The following KCND2 variants were observed in gnomAD, a reference collection of about 807,000 sequenced individuals.
KCND2 encodes potassium voltage-gated channel subfamily D member 2.
Under a neutral mutation model 54.4 loss-of-function variants are expected in KCND2, and 16 were observed. That is an observed-to-expected ratio of 0.29 (90% CI 0.20 to 0.45). The LOEUF is 0.45. Ranked by LOEUF, KCND2 falls within the 20% of genes least tolerant of loss-of-function variation. The pLI, the probability that KCND2 is intolerant of heterozygous loss-of-function variation, is 1.00. For missense variants in KCND2, 486 were observed against 824.2 expected (o/e 0.59, Z 5.02); for synonymous variants, 317 against 310.7 (o/e 1.02, Z -0.21).
At chr7:120,667,327 G>A (rs573867940) in intron 1 of KCND2, among the ~76,000 whole-genome samples, 2 of 152,146 alleles carry the variant, frequency 1.3e-5, no homozygotes, top group African/African-American at 4.8e-5. Context: ...GTAGATACAT[G>A]TACTTACAAA....
At chr7:120,712,830 T>G (rs1792557417) in intron 1 of KCND2, among the ~76,000 whole-genome samples, 1 of 152,190 alleles carries the variant, frequency 6.6e-6, no homozygotes, top group African/African-American at 2.4e-5. Flanking sequence ...GATTTCCTTC[T>G]TGAAAGACTT....
intron 2 of KCND2, among the ~76,000 whole-genome samples, chr7:120,738,523 C>CT (rs1792901623): frequency 6.6e-6 from 1 of 151,836 alleles, no homozygotes; most frequent in African/African-American, 2.4e-5. Flanking sequence ...AACTATGAAG[C>CT]TTTTTTTACA....
chr7:120,705,205 A>G (rs983891039), intron 1 of KCND2, among the ~76,000 whole-genome samples: 1 of 152,184 alleles, frequency 6.6e-6, no homozygotes, highest in Non-Finnish European at 1.5e-5. Flanking sequence ...TGTGACACTT[A>G]TTCTGAAATC....
At chr7:120,568,877 G>T (rs1020180219) in intron 1 of KCND2, among the ~76,000 whole-genome samples, 2 of 152,074 alleles carry the variant, frequency 1.3e-5, no homozygotes, top group Non-Finnish European at 1.5e-5. Context: ...TATTTCATAA[G>T]GGCAGGGGCA....
chr7:120,343,862 T>G (rs890348961), intron 1 of KCND2, among the ~76,000 whole-genome samples: 2 of 152,206 alleles, frequency 1.3e-5, no homozygotes, highest in African/African-American at 4.8e-5. Flanking sequence ...CATATGCATG[T>G]GCACTTGCAA....
Position 120,405,670 on chromosome 7 carries a change from C to T in KCND2, c.1115+129923C>T, listed in dbSNP as rs139932770. Reference sequence around the variant, plus strand: ...CTGCAAAATTTATAACTATAGATATCACATCAAAATCAAAATTAAGAGAAC... The same window carrying T: ...CTGCAAAATTTATAACTATAGATATTACATCAAAATCAAAATTAAGAGAAC... On this transcript the variant is annotated intron_variant, in intron 1 of 5. Transcript: ENST00000331113. 3.2e-4 allele frequency among the ~76,000 whole-genome samples: 48 copies of T among 152,122 alleles called. 1 individual carries two copies. The East Asian group carries it at 9.1e-3, about 29-fold the overall frequency.
chr7:120,693,198 G>C (rs551783481), intron 1 of KCND2, among the ~76,000 whole-genome samples: 28 of 152,194 alleles, frequency 1.8e-4, no homozygotes, highest in Non-Finnish European at 3.7e-4. Flanking sequence ...TTCATTTTCT[G>C]AGTTCTACTC....
chr7:120,343,494 A>T (rs1017367760), intron 1 of KCND2, among the ~76,000 whole-genome samples: 3 of 152,160 alleles, frequency 2.0e-5, no homozygotes, highest in African/African-American at 7.2e-5. Context: ...TTTATGGAGC[A>T]GGAATTAATC....
At chr7:120,635,195 A>G (rs1304119711) in intron 1 of KCND2, among the ~76,000 whole-genome samples, 2 of 152,186 alleles carry the variant, frequency 1.3e-5, no homozygotes, top group Non-Finnish European at 2.9e-5. Flanking sequence ...TCTGGTGCCC[A>G]TTGTGGTTCC....
chr7:120,289,762 C>T (rs1400636976), intron 1 of KCND2, among the ~76,000 whole-genome samples: 2 of 152,064 alleles, frequency 1.3e-5, no homozygotes, highest in Non-Finnish European at 2.9e-5. Context: ...TTGGAAGCAT[C>T]GACCTGCATT....
At chr7:120,675,120 T>C (rs1274533032) in intron 1 of KCND2, among the ~76,000 whole-genome samples, 2 of 152,186 alleles carry the variant, frequency 1.3e-5, no homozygotes, top group Non-Finnish European at 2.9e-5. Context: ...AACTTTCTTA[T>C]CTAGTAATTT....
chr7:120,526,869 A>G (rs1791783150), intron 1 of KCND2, among the ~76,000 whole-genome samples: 1 of 152,176 alleles, frequency 6.6e-6, no homozygotes, highest in African/African-American at 2.4e-5. Flanking sequence ...TCAGAAGGAA[A>G]ATAAGCTGAA....
chr7:120,682,730 C>A (rs1288673538), intron 1 of KCND2, among the ~76,000 whole-genome samples: 1 of 152,112 alleles, frequency 6.6e-6, no homozygotes, highest in Non-Finnish European at 1.5e-5. Flanking sequence ...AATGCTTTAG[C>A]TATATGTAAC....
intron 1 of KCND2, among the ~76,000 whole-genome samples, chr7:120,337,024 T>C (rs1800161048): frequency 6.6e-6 from 1 of 152,138 alleles, no homozygotes; most frequent in African/African-American, 2.4e-5. Flanking sequence ...TTTTTTTTCT[T>C]GGAAAATTCA....
intron 1 of KCND2, among the ~76,000 whole-genome samples, chr7:120,296,450 C>T (rs1389246596): frequency 1.3e-5 from 2 of 152,032 alleles, no homozygotes; most frequent in Non-Finnish European, 2.9e-5. Context: ...AATTAATTCT[C>T]CTGAGAAAGA....
intron 1 of KCND2, among the ~76,000 whole-genome samples, chr7:120,548,879 G>T (rs573710923): frequency 6.6e-6 from 1 of 152,268 alleles, no homozygotes; most frequent in East Asian, 1.9e-4. Context: ...CAGATGCTGA[G>T]CATCATACAA....
intron 1 of KCND2, among the ~76,000 whole-genome samples, chr7:120,727,372 C>T (rs1792746677): frequency 6.6e-6 from 1 of 152,162 alleles, no homozygotes; most frequent in Non-Finnish European, 1.5e-5. Context: ...TGCATATTTT[C>T]AACCTATCAA....
intron 1 of KCND2, among the ~76,000 whole-genome samples, chr7:120,300,154 G>A (rs1799565185): frequency 6.6e-6 from 1 of 152,082 alleles, no homozygotes; most frequent in Non-Finnish European, 1.5e-5. Context: ...TACCTGGTAA[G>A]GGACACAATT....
chr7:120,680,991 C>T (rs1400378873), intron 1 of KCND2, among the ~76,000 whole-genome samples: 2 of 152,036 alleles, frequency 1.3e-5, no homozygotes, highest in African/African-American at 4.8e-5. Flanking sequence ...AGGTATTGAA[C>T]TATCAATAAT....
Sources: allele counts gnomAD v4.1 joint callset (sites outside exome capture counted in the v4.1 genomes callset), GRCh38; gene constraint gnomAD v4.1.1; transcripts MANE v1.5; gene names NCBI Gene and HGNC (gene_info 2026-07-23, HGNC 2026-07-21).